GSR: variants seen among roughly 807,000 people sequenced by gnomAD.
GSR encodes the protein glutathione reductase, mitochondrial.
GSR carries 48 observed loss-of-function variants against 56.5 expected under a neutral mutation model. The ratio of observed to expected loss-of-function variants is 0.85; its 90% CI spans 0.67 to 1.08. GSR has a LOEUF of 1.08. GSR is among the 50% of genes least tolerant of loss of function. The pLI, the probability that GSR is intolerant of heterozygous loss-of-function variation, is 0.00. For synonymous variants in GSR, 264 were observed against 270.8 expected (o/e 0.97, Z 0.25); for missense variants, 694 against 703.3 (o/e 0.99, Z 0.15).
intron 9 of GSR, among the ~76,000 whole-genome samples, chr8:30,687,968 T>C (rs926147491): frequency 2.0e-5 from 3 of 152,188 alleles, no homozygotes; most frequent in Non-Finnish European, 2.9e-5. Context: ...GCAACTGTTA[T>C]GTTGTAAGAA....
rs1804650171 is a variant in GSR at position 30,724,224 on chromosome 8, G to C, written c.306+3306C>G. The stretch of plus-strand genomic sequence containing the variant: ...CTATCTCTATAAACTGAAAGGAAAA[G>C]AAAAAGAAAAAGACAGAAAGACAAA... On this transcript the variant is annotated intron_variant, in intron 1 of 12. Transcript: ENST00000221130. Among the ~76,000 whole-genome samples, 4 of 152,138 alleles carry C rather than the reference G, an allele frequency of 2.6e-5. No individual in the cohort carries two copies. The South Asian group carries it at 8.3e-4, about 32-fold the overall frequency.
chr8:30,721,499 A>G (rs952044027), intron 1 of GSR, among the ~76,000 whole-genome samples: 5 of 152,032 alleles, frequency 3.3e-5, no homozygotes, highest in Non-Finnish European at 5.9e-5. Flanking sequence ...AAAAATATAA[A>G]AAAATTAGCC....
At chr8:30,706,874 C>CT (rs1390708015) in intron 4 of GSR, 1 of 152,192 alleles carries the variant, frequency 6.6e-6, no homozygotes, top group African/African-American at 2.4e-5. Flanking sequence ...CGGTAGCTCA[C>CT]GCCTATAATC....
At chr8:30,717,157 A>T (rs945862532) in intron 1 of GSR, among the ~76,000 whole-genome samples, 3 of 152,104 alleles carry the variant, frequency 2.0e-5, no homozygotes, top group Non-Finnish European at 1.5e-5. Flanking sequence ...GAATCGCTTG[A>T]ACCCAGGAGG....
chr8:30,685,703 A>G (rs997938041), intron 9 of GSR, among the ~76,000 whole-genome samples: 5 of 152,078 alleles, frequency 3.3e-5, no homozygotes, highest in African/African-American at 1.2e-4. Flanking sequence ...GGCCAGGCGC[A>G]GTGGTTCAGG....
rs1168312301 is a variant in GSR at position 30,700,129 on chromosome 8, C to A, written c.647G>T (p.Ser216Ile). Residue 216 changes from serine (S) to isoleucine (I), a missense_variant, in exon 6 of 13, where the codon AGC becomes ATC. Physicochemically the swap from Ser to Ile is moderately radical, Grantham distance 142. Transcript: ENST00000221130. ...AAATCCATCGCTGGTTATTCCTAAG[C>A]TGGCACCTATGTAGAAAAAGGCAAC... ...TPHESQIPGA[S>I]LGITSDGFFQ... 2 of 1,612,174 alleles carry A rather than the reference C, an allele frequency of 1.2e-6. No homozygotes were observed. The highest frequency in any genetic ancestry group is 1.1e-5 in the South Asian group (1 of 91,044).
At position 30,709,906 on chromosome 8, in the gene GSR, T is replaced by C. The variant is rs913002960; in HGVS notation, c.334-4A>G. On this transcript the variant is annotated splice_region_variant and splice_polypyrimidine_tract_variant and intron_variant, in intron 2 of 12. Coordinates refer to ENST00000221130, the MANE Select transcript of GSR (RefSeq NM_000637.5). ...GGACAGCTGTGTTCCACATTACCTG[T>C]AAAAAAAAAAAAAAAAAAGGATCCA... The C allele has an allele frequency of 4.0e-6, 4 of 1,000,316 alleles. No homozygotes were observed. In the Admixed American group the frequency reaches 1.1e-4, roughly 28 times the overall value. 62.0% of individuals were successfully genotyped at this position (1,000,316 alleles called of 1,614,324 possible). A position where few individuals can be genotyped will look rare whatever the true frequency, so the allele number is the denominator to read the frequency against.
At chr8:30,723,367 C>T (rs1004526278) in intron 1 of GSR, among the ~76,000 whole-genome samples, 1 of 152,158 alleles carries the variant, frequency 6.6e-6, no homozygotes, top group East Asian at 1.9e-4. Flanking sequence ...TGGTATCTAC[C>T]TGCAGAACCA....
intron 8 of GSR, among the ~76,000 whole-genome samples, chr8:30,689,708 C>A (rs992611253): frequency 1.3e-5 from 2 of 149,384 alleles, no homozygotes; most frequent in African/African-American, 4.9e-5. Flanking sequence ...CAAAACTGCA[C>A]AATTAGTGCC....
chr8:30,717,249 G>GAAACAAAC (rs8190908), intron 1 of GSR, among the ~76,000 whole-genome samples: 148,830 of 151,856 alleles, frequency 0.98, 72,947 homozygotes, highest in East Asian at 1. Flanking sequence ...AAAGAAAAAG[G>GAAACAAAC]AAACAAACAA....
intron 7 of GSR, among the ~76,000 whole-genome samples, chr8:30,693,826 C>G (rs576719035): frequency 4.6e-5 from 7 of 151,940 alleles, no homozygotes; most frequent in African/African-American, 1.7e-4. Context: ...ACCATGCCCA[C>G]CCACAGAGTA....
intron 1 of GSR, among the ~76,000 whole-genome samples, chr8:30,718,962 C>T (rs1804435136): frequency 6.6e-6 from 1 of 151,744 alleles, no homozygotes; most frequent in African/African-American, 2.4e-5. Context: ...TGGAGTCTCA[C>T]TCTTGTTGCC....
chr8:30,695,137 G>T, intron 7 of GSR, among the ~76,000 whole-genome samples: 1 of 152,098 alleles, frequency 6.6e-6, no homozygotes, highest in African/African-American at 2.4e-5. Flanking sequence ...CCTGCAGCCT[G>T]CAGGCCGTGT....
intron 7 of GSR, 44 bp from the exon 8 acceptor site, chr8:30,693,099 T>C: frequency 8.2e-7 from 1 of 1,217,826 alleles, no homozygotes; most frequent in Non-Finnish European, 1.2e-6. Context: ...GGAAGAAAAC[T>C]TGAGCAAAGA....
chr8:30,696,491 G>A lies in GSR; in HGVS notation c.696-12C>T. 1.3e-6 allele frequency: 2 copies of A among 1,549,926 alleles called. No homozygotes were observed. The highest frequency in any genetic ancestry group is 1.8e-6 in the Non-Finnish European group (2 of 1,121,428). ...CAATGACGCTGCGGCTGAGACGCGA[G>A]CAGAGGGTTAGTATTCTTAAATAAA... On this transcript the variant is annotated splice_polypyrimidine_tract_variant and intron_variant, in intron 6 of 12. Transcript: ENST00000221130.
intron 10 of GSR, 139 bp from the exon 11 acceptor site, chr8:30,682,200 T>C (rs963157988): frequency 5.2e-6 from 4 of 766,358 alleles, no homozygotes; most frequent in Middle Eastern, 3.4e-4. Flanking sequence ...ACTATCTAGA[T>C]AGTTTAATAC....
intron 2 of GSR, among the ~76,000 whole-genome samples, chr8:30,710,769 A>G (rs1459393678): frequency 7.9e-6 from 1 of 126,708 alleles, no homozygotes; most frequent in Non-Finnish European, 1.7e-5. Flanking sequence ...AGAAAAAAAA[A>G]TATATAAATG....
At chr8:30,690,860 T>C (rs1563530292) in intron 8 of GSR, among the ~76,000 whole-genome samples, 1 of 151,882 alleles carries the variant, frequency 6.6e-6, no homozygotes, top group Non-Finnish European at 1.5e-5. Flanking sequence ...AGCTCATGAG[T>C]TTGAGAACAG....
At position 30,695,290 on chromosome 8, in the gene GSR, C is replaced by A. The variant is rs28452359; in HGVS notation, c.795+1090G>T. On this transcript the variant is annotated intron_variant, in intron 7 of 12. Transcript: ENST00000221130. ...TTGCTCTGTTGCCCAGGCTGGAGTG[C>A]AGTGGTGCAATCTTGGCTCTCTGCA... Among the ~76,000 whole-genome samples the A allele has an allele frequency of 8.2e-3, 1,250 of 152,154 alleles. 22 individuals are homozygous for A. Among genetic ancestry groups the A allele is most frequent in the African/African-American group, 0.029 (1,205 of 41,520 alleles).
Sources: gnomAD v4.1 joint callset for allele counts (sites outside exome capture counted in the v4.1 genomes callset) on GRCh38, gnomAD v4.1.1 for gene constraint, MANE v1.5 for transcripts, NCBI Gene and HGNC (gene_info 2026-07-23, HGNC 2026-07-21) for gene names.